Variants in TNFRSF14 observed in about 807,000 individuals in gnomAD.
TNFRSF14 encodes TNF receptor superfamily member 14.
Under a neutral mutation model 34.1 loss-of-function variants are expected in TNFRSF14, and 18 were observed. That is an observed-to-expected ratio of 0.53 (90% CI 0.36 to 0.78). The LOEUF is 0.78. Among genes scored for constraint, TNFRSF14 ranks in the 30% least tolerant of loss-of-function variants. The pLI is 0.00. For missense variants in TNFRSF14, 352 were observed against 379.5 expected (o/e 0.93, Z 0.60); for synonymous variants, 157 against 153.2 (o/e 1.02, Z -0.18).
chr1:2,557,798 C>G lies in TNFRSF14; in HGVS notation c.142C>G (p.Pro48Ala). The G allele has an allele frequency of 6.2e-7, 1 of 1,611,594 alleles. No homozygotes were observed. The highest frequency in any genetic ancestry group is 8.5e-7 in the Non-Finnish European group (1 of 1,179,000). ...ALPSCKEDEYPVGSECCPKCS... is the reference protein window; with the variant it reads ...ALPSCKEDEYAVGSECCPKCS... ...GCCGTCCTGCAAGGAGGACGAGTAC[C>G]CAGTGGGCTCCGAGTGCTGCCCCAA... Residue 48 changes from proline (P) to alanine (A), a missense_variant, in exon 2 of 8, where the codon CCA (proline) becomes GCA (alanine). By Grantham distance (27) the Pro-to-Ala change is conservative. Coordinates refer to ENST00000355716, the MANE Select transcript of TNFRSF14 (RefSeq NM_003820.4).
intron 6 of TNFRSF14, 79 bp from the exon 7 acceptor site, chr1:2,562,786 G>T (rs978431483): frequency 1.0e-5 from 16 of 1,571,344 alleles, no homozygotes; most frequent in Non-Finnish European, 1.4e-5. Context: ...CTCCGCCACC[G>T]CTGTGAGACC....
Position 2,563,188 on chromosome 1 carries a change from AG to A in TNFRSF14, c.769del (p.Ala257ProfsTer45). ...GCAGAAGGTGAGGCCACAGTCATTGAGGCCCTGCAGGCCCCTCCGGACGTCA... is the reference window on the plus strand; with the variant it reads ...GCAGAAGGTGAGGCCACAGTCATTGAGCCCTGCAGGCCCCTCCGGACGTCA... ...QEAEGEATVI[E>X]ALQAPPDVTT... On this transcript the variant is annotated frameshift_variant, in exon 8 of 8. Coordinates refer to ENST00000355716, the MANE Select transcript of TNFRSF14 (RefSeq NM_003820.4). LOFTEE classifies it low-confidence loss of function (END_TRUNC). 6.2e-7 allele frequency: 1 copy of A among 1,613,500 alleles called. No individual in the cohort carries two copies. The highest frequency in any genetic ancestry group is 1.7e-5 in the Admixed American group (1 of 60,024).
intron 3 of TNFRSF14, chr1:2,559,597 C>T (rs528672160): frequency 1.3e-6 from 2 of 1,533,066 alleles, no homozygotes; most frequent in South Asian, 2.4e-5. Context: ...CTCCCAGGAC[C>T]TTCCTGCAAG....
At position 2,559,956 on chromosome 1, in the gene TNFRSF14, G is replaced by A. The variant is rs781082754; in HGVS notation, c.438G>A (p.Pro146=). 8.2e-6 allele frequency: 13 copies of A among 1,583,480 alleles called. No individual in the cohort carries two copies. Among genetic ancestry groups the A allele is most frequent in the African/African-American group, 5.4e-5 (4 of 74,312 alleles). Residue 146 remains proline (P), a synonymous_variant, in exon 4 of 8, where the codon CCG becomes CCA. Coordinates refer to ENST00000355716, the MANE Select transcript of TNFRSF14 (RefSeq NM_003820.4). ...GCCGCGCTTACGCCACCTCCAGCCCGGGCCAGAGGGTGCAGAAGGGAGGTA... is the reference window on the plus strand; with the variant it reads ...GCCGCGCTTACGCCACCTCCAGCCCAGGCCAGAGGGTGCAGAAGGGAGGTA... The part of the protein sequence containing the change: ...AACRAYATSS[P]GQRVQKGGTE...
At chr1:2,555,085 C>A, upstream of TNFRSF14, 1 of 152,186 alleles carries the variant, frequency 6.6e-6, no homozygotes. The surrounding 1 kb of genome is among the most constrained non-coding windows in gnomAD (Gnocchi z 6.3). Flanking sequence ...GCTCCTCTCC[C>A]AGGCTCCAGC....
chr1:2,559,454 G>A (rs1012080623), intron 3 of TNFRSF14: 42 of 1,394,368 alleles, frequency 3.0e-5, no homozygotes, highest in African/African-American at 2.0e-4. Flanking sequence ...TGGGAAACCC[G>A]TTTGCGGGGT....
intron 7 of TNFRSF14, 64 bp from the exon 8 acceptor site, chr1:2,563,084 C>T (rs1644334148): frequency 6.2e-7 from 1 of 1,603,328 alleles, no homozygotes; most frequent in East Asian, 2.2e-5. Context: ...TAAAATGAAC[C>T]CGAGAACCTG....
chr1:2,558,787 AGCT>A, intron 3 of TNFRSF14: 1 of 1,304,972 alleles, frequency 7.7e-7, no homozygotes. Flanking sequence ...CCACGTCCCT[AGCT>A]GCAAAGTGGA....
At chr1:2,556,222 C>T (rs1479980474), upstream of TNFRSF14, 4 of 447,668 alleles carry the variant, frequency 8.9e-6, no homozygotes, top group South Asian at 1.9e-5. Context: ...TCAGTCAGCG[C>T]CCCGGGGAGC....
In TNFRSF14 at chr1:2,559,933, C is replaced by T. The variant is rs774857719; in HGVS notation, c.415C>T (p.Arg139Cys). The T allele has an allele frequency of 6.3e-6, 10 of 1,597,312 alleles. No homozygotes were observed. Among genetic ancestry groups the T allele is most frequent in the East Asian group, 4.5e-5 (2 of 44,112 alleles). Residue 139 changes from arginine (R) to cysteine (C), a missense_variant, in exon 4 of 8, where the codon CGC (arginine) becomes TGC (cysteine). By Grantham distance (180) the Arg-to-Cys change is radical. Coordinates refer to ENST00000355716, the MANE Select transcript of TNFRSF14 (RefSeq NM_003820.4). ...VQDGDHCAACRAYATSSPGQR... is the reference protein window; with the variant it reads ...VQDGDHCAACCAYATSSPGQR... ...GGACGGGGACCACTGCGCCGCGTGC[C>T]GCGCTTACGCCACCTCCAGCCCGGG...
chr1:2,559,528 T>G, intron 3 of TNFRSF14: 1 of 1,497,722 alleles, frequency 6.7e-7, no homozygotes. Context: ...GAACTGACAG[T>G]GCAAGCTCGG....
chr1:2,559,364 C>CCAGGATG, intron 3 of TNFRSF14: 1 of 1,376,278 alleles, frequency 7.3e-7, no homozygotes. Context: ...CCAGCTTGTA[C>CCAGGATG]CCCACCTCCA....
chr1:2,555,150 G>T (rs1180185257), upstream of TNFRSF14: 1 of 152,258 alleles, frequency 6.6e-6, no homozygotes, highest in African/African-American at 2.4e-5. This position sits in a 1 kb window ranked among gnomAD's most constrained non-coding sequence, Gnocchi z 6.3. Context: ...TCCTCCACTG[G>T]GTGCCACCTG....
chr1:2,559,115 C>T, intron 3 of TNFRSF14: 1 of 1,363,742 alleles, frequency 7.3e-7, no homozygotes, highest in Non-Finnish European at 9.7e-7. Context: ...GCTGACGGCA[C>T]ACCTGGGGGC....
At position 2,557,870 on chromosome 1, in the gene TNFRSF14, C is replaced by T. The variant is rs780278218; in HGVS notation, c.178+36C>T. 247 of 1,531,098 alleles carry T rather than the reference C, an allele frequency of 1.6e-4. 1 individual carries two copies. The highest frequency in any genetic ancestry group is 2.1e-4 in the Non-Finnish European group (240 of 1,122,606). 94.8% of individuals were successfully genotyped at this position (1,531,098 alleles called of 1,614,324 possible). On this transcript the variant is annotated intron_variant, in intron 2 of 7. Transcript: ENST00000355716. Reference sequence around the variant, plus strand: ...CCCTTTGGCGGGCCAGCTCTGTGGGCCGAGGGCAGACACTCTTGCCCCCTT... The same window carrying T: ...CCCTTTGGCGGGCCAGCTCTGTGGGTCGAGGGCAGACACTCTTGCCCCCTT...
intron 3 of TNFRSF14, chr1:2,559,533 G>C: frequency 6.7e-7 from 1 of 1,502,268 alleles, no homozygotes; most frequent in Non-Finnish European, 8.9e-7. Flanking sequence ...GACAGTGCAA[G>C]CTCGGCGTCC....
At chr1:2,557,949 C>A in intron 2 of TNFRSF14, 115 bp downstream of exon 2, 1 of 897,780 alleles carries the variant, frequency 1.1e-6, no homozygotes, top group Non-Finnish European at 1.7e-6. Context: ...TGTGATGAAG[C>A]CCTGGGGCTA....
rs1460547507 is a variant in TNFRSF14, at chr1:2,563,402, C to G, written c.*129C>G. On this transcript the variant is annotated 3_prime_UTR_variant, in exon 8 of 8. Transcript: ENST00000355716. ...CGCCCTGGGCTGGCTTCCGTCTCCT[C>G]CAGTGGAGGGAGAGGTGGGGCCCCT... 4.1e-6 allele frequency: 6 copies of G among 1,470,612 alleles called. No homozygotes were observed. The highest frequency in any genetic ancestry group is 5.5e-6 in the Non-Finnish European group (6 of 1,098,636). The allele number at this position is 1,470,612 out of a possible 1,614,324, so 91.1% of individuals were successfully genotyped here.
At chr1:2,560,475 T>G (rs1644291677) in intron 4 of TNFRSF14, 149 bp from the exon 5 acceptor site, 1 of 608,776 alleles carries the variant, frequency 1.6e-6, no homozygotes. Flanking sequence ...CCTCCAAGAC[T>G]CTGGACAGGG....
Sources: gnomAD v4.1 joint callset for allele counts on GRCh38, gnomAD v4.1.1 for gene constraint, Gnocchi (gnomAD v3.1) non-coding constraint, MANE v1.5 for transcripts, NCBI Gene and HGNC (gene_info 2026-07-23, HGNC 2026-07-21) for gene names.